DHRSX: variants seen among roughly 807,000 people sequenced by gnomAD.
DHRSX encodes the protein dehydrogenase/reductase X-linked.
Under a neutral mutation model 34.0 loss-of-function variants are expected in DHRSX, and 31 were observed. The ratio of observed to expected loss-of-function variants is 0.91; its 90% CI spans 0.69 to 1.23. The LOEUF (loss-of-function observed/expected upper bound fraction) is 1.23. DHRSX is among the 50% of genes most tolerant of loss of function. DHRSX has a pLI of 0.00. For missense variants in DHRSX, 414 were observed against 428.1 expected, an observed-to-expected ratio of 0.97 and a Z score of 0.29; for synonymous variants, 201 against 183.8, an observed-to-expected ratio of 1.09 and a Z score of -0.76.
At chrX:2,252,693 C>T (rs1481986269) in intron 5 of DHRSX, among the ~76,000 whole-genome samples, 4 of 152,006 alleles carry the variant, frequency 2.6e-5, no homozygotes, top group African/African-American at 4.8e-5. Flanking sequence ...TGGGGGCAGG[C>T]GAAAAGCCAA....
intron 6 of DHRSX, among the ~76,000 whole-genome samples, chrX:2,241,123 G>A (rs1306904283): frequency 6.6e-6 from 1 of 152,060 alleles, no homozygotes; most frequent in Non-Finnish European, 1.5e-5. Context: ...GGCAGAGGCT[G>A]CAGCGAGCCG....
At chrX:2,269,364 T>TTGTATA (rs2041518645) in intron 4 of DHRSX, among the ~76,000 whole-genome samples, 1 of 152,230 alleles carries the variant, frequency 6.6e-6, no homozygotes, top group African/African-American at 2.4e-5. Flanking sequence ...GTACATGTAT[T>TTGTATA]TGTATATGTG....
chrX:2,421,837 A>T (rs2124647737), intron 2 of DHRSX, among the ~76,000 whole-genome samples: 1 of 152,210 alleles, frequency 6.6e-6, no homozygotes, highest in East Asian at 1.9e-4. Context: ...AGTATATCAC[A>T]GTTTTTATCG....
chrX:2,229,141 G>A (rs1306525405), intron 6 of DHRSX, among the ~76,000 whole-genome samples: 1 of 152,120 alleles, frequency 6.6e-6, no homozygotes, highest in Admixed American at 6.6e-5. Context: ...AGAGATCTGA[G>A]GGCACATGTA....
At chrX:2,434,208 T>C (rs1450381894) in intron 1 of DHRSX, among the ~76,000 whole-genome samples, 2 of 152,182 alleles carry the variant, frequency 1.3e-5, no homozygotes, top group African/African-American at 2.4e-5. Flanking sequence ...AATGAAATAA[T>C]GAATAAAGCA....
intron 1 of DHRSX, among the ~76,000 whole-genome samples, chrX:2,439,715 C>T (rs6642157): frequency 0.054 from 8,201 of 152,096 alleles, 354 homozygotes; most frequent in East Asian, 0.22. Context: ...GATTTTCATA[C>T]GGAGCACGCC....
chrX:2,478,803 C>T (rs1450653839), intron 1 of DHRSX, among the ~76,000 whole-genome samples: 10 of 151,974 alleles, frequency 6.6e-5, no homozygotes, highest in Non-Finnish European at 1.3e-4. Context: ...TAGAATGTGG[C>T]CCGGGGACCA....
At chrX:2,225,403 C>A (rs1332213150) in intron 6 of DHRSX, among the ~76,000 whole-genome samples, 1 of 152,170 alleles carries the variant, frequency 6.6e-6, no homozygotes, top group Non-Finnish European at 1.5e-5. Context: ...TGCTCATCCA[C>A]GTGTACATTC....
intron 3 of DHRSX, chrX:2,334,707 C>T (rs1441905636): frequency 4.6e-5 from 7 of 152,180 alleles, no homozygotes; most frequent in Non-Finnish European, 7.3e-5. Flanking sequence ...CCTCCATCTT[C>T]TGAAAGCATT....
rs532976011 is a variant in DHRSX, at chrX:2,289,446, G to A, written c.388+2056C>T. ...GATTCCTAATTTTTTCTGCTTACTGGTGGATGCAAGCCCATACCAAATGGA... is the reference window on the plus strand; with the variant it reads ...GATTCCTAATTTTTTCTGCTTACTGATGGATGCAAGCCCATACCAAATGGA... On this transcript the variant is annotated intron_variant, in intron 4 of 6. Transcript: ENST00000334651. Among the ~76,000 whole-genome samples, 5 of 152,174 alleles carry A rather than the reference G, an allele frequency of 3.3e-5. No homozygotes were observed. In the South Asian group the frequency reaches 1.0e-3, roughly 32 times the overall value.
intron 1 of DHRSX, chrX:2,487,522 A>G (rs1255515874): frequency 6.6e-6 from 1 of 152,128 alleles, no homozygotes; most frequent in Non-Finnish European, 1.5e-5. Context: ...GTGCCACCGC[A>G]TCTGGCTAGT....
chrX:2,364,788 ACTGT>A (rs1220646725), intron 3 of DHRSX, among the ~76,000 whole-genome samples: 25 of 152,202 alleles, frequency 1.6e-4, no homozygotes, highest in East Asian at 3.9e-4. Flanking sequence ...CTCTCTATCT[ACTGT>A]CTATCATCTA....
At chrX:2,257,339 C>G (rs2124449053) in intron 5 of DHRSX, among the ~76,000 whole-genome samples, 1 of 152,360 alleles carries the variant, frequency 6.6e-6, no homozygotes, top group African/African-American at 2.4e-5. Context: ...GGAGACGGAG[C>G]TAACCACGGA....
chrX:2,474,054 C>G (rs901123096), intron 1 of DHRSX, among the ~76,000 whole-genome samples: 1 of 151,654 alleles, frequency 6.6e-6, no homozygotes, highest in Admixed American at 6.6e-5. Flanking sequence ...CTGGGATGGG[C>G]GGTGACAGAG....
intron 3 of DHRSX, among the ~76,000 whole-genome samples, chrX:2,346,643 T>TG: frequency 8.3e-6 from 1 of 119,880 alleles, no homozygotes; most frequent in Non-Finnish European, 1.8e-5. Context: ...TGTATGAGTC[T>TG]GGTTTTTTTT....
At chrX:2,242,768 C>G (rs2016170377) in intron 6 of DHRSX, among the ~76,000 whole-genome samples, 1 of 152,084 alleles carries the variant, frequency 6.6e-6, no homozygotes, top group South Asian at 2.1e-4. Flanking sequence ...TAATCCCCCC[C>G]TCGTTTAGCA....
chrX:2,419,342 T>G (rs1024954977), intron 2 of DHRSX, among the ~76,000 whole-genome samples: 2 of 152,160 alleles, frequency 1.3e-5, no homozygotes, highest in Non-Finnish European at 2.9e-5. Context: ...CCCCCTGGTC[T>G]TGGGACTTCC....
intron 1 of DHRSX, among the ~76,000 whole-genome samples, chrX:2,485,840 G>A (rs866084737): frequency 5.1e-5 from 5 of 97,994 alleles, no homozygotes; most frequent in African/African-American, 4.6e-5. Context: ...AGAGAAGGAA[G>A]GAAGGGAGAG....
At chrX:2,322,782 T>C (rs73628301) in intron 3 of DHRSX, among the ~76,000 whole-genome samples, 4,652 of 152,168 alleles carry the variant, frequency 0.031, 252 homozygotes, top group African/African-American at 0.11. Flanking sequence ...CTTTATGGTA[T>C]TGATAAGGCT....
Sources: allele counts gnomAD v4.1 joint callset (sites outside exome capture counted in the v4.1 genomes callset), GRCh38; gene constraint gnomAD v4.1.1; transcripts MANE v1.5; gene names NCBI Gene and HGNC (gene_info 2026-07-23, HGNC 2026-07-21).